The following TMEM135 variants were observed in gnomAD, a reference collection of about 807,000 sequenced individuals.
The protein encoded by TMEM135 is transmembrane protein 135, also known as peroxisomal membrane protein 52.
TMEM135 carries 30 observed loss-of-function variants against 60.3 expected under a neutral mutation model. The observed-to-expected ratio is 0.50, with a 90% confidence interval of 0.37 to 0.68. The LOEUF (loss-of-function observed/expected upper bound fraction) is 0.68, where lower values mean the gene tolerates loss of function less well. TMEM135 is among the 30% of genes least tolerant of loss of function. The pLI is 0.00. For synonymous variants in TMEM135, 190 were observed against 186.7 expected (o/e 1.02, Z -0.14); for missense variants, 468 against 548.8 (o/e 0.85, Z 1.47).
At chr11:87,175,428 A>G (rs1451116847) in intron 5 of TMEM135, among the ~76,000 whole-genome samples, 2 of 152,230 alleles carry the variant, frequency 1.3e-5, no homozygotes, top group South Asian at 2.1e-4. Flanking sequence ...GATTTTAAAA[A>G]TATCAGATCA....
Position 87,038,031 on chromosome 11 carries a change from G to C in TMEM135, c.-15G>C. 1 of 1,613,716 alleles carries C rather than the reference G, an allele frequency of 6.2e-7. No homozygotes were observed. Among genetic ancestry groups the C allele is most frequent in the Non-Finnish European group, 8.5e-7 (1 of 1,179,982 alleles). Reference sequence around the variant, plus strand: ...AGGCTCTCCCCCTCCTGTCTTCTCCGCGCTGTTCCTCGTCATGGCGGCCCT... The same window carrying C: ...AGGCTCTCCCCCTCCTGTCTTCTCCCCGCTGTTCCTCGTCATGGCGGCCCT... On this transcript the variant is annotated 5_prime_UTR_variant, in exon 1 of 15. Coordinates refer to ENST00000305494, the MANE Select transcript of TMEM135 (RefSeq NM_022918.4).
chr11:87,074,771 A>T (rs749717982), intron 3 of TMEM135, among the ~76,000 whole-genome samples: 17 of 152,128 alleles, frequency 1.1e-4, no homozygotes, highest in African/African-American at 1.4e-4. Flanking sequence ...AAAAATAAGG[A>T]TATTTTTCTA....
rs200157586 is a variant in TMEM135 at position 87,227,801 on chromosome 11, GT to G, written c.463-8833del. Reference sequence around the variant, plus strand: ...TCACAAAGAGACCATGCAATAGTCTGTTTTCAGAAAAGTTGAAGATGCTTAG... The same window carrying G: ...TCACAAAGAGACCATGCAATAGTCTGTTTCAGAAAAGTTGAAGATGCTTAG... On this transcript the variant is annotated intron_variant, in intron 5 of 14. Coordinates refer to ENST00000305494, the MANE Select transcript of TMEM135 (RefSeq NM_022918.4). Among the ~76,000 whole-genome samples, 300 of 152,232 alleles carry G rather than the reference GT, an allele frequency of 2.0e-3. 2 individuals carry two copies. Among genetic ancestry groups the G allele is most frequent in the Admixed American group, 5.4e-3 (82 of 15,292 alleles).
At chr11:87,217,858 T>C (rs960964216) in intron 5 of TMEM135, among the ~76,000 whole-genome samples, 1 of 151,954 alleles carries the variant, frequency 6.6e-6, no homozygotes, top group Non-Finnish European at 1.5e-5. Context: ...TTCTAGGAGA[T>C]GTTTAAACAA....
At chr11:87,074,880 T>C (rs1856839156) in intron 3 of TMEM135, among the ~76,000 whole-genome samples, 1 of 152,226 alleles carries the variant, frequency 6.6e-6, no homozygotes, top group Admixed American at 6.5e-5. Context: ...ATGCTATTTT[T>C]TTGAACCAGA....
chr11:87,257,428 G>A (rs1418574228), intron 6 of TMEM135, among the ~76,000 whole-genome samples: 2 of 149,852 alleles, frequency 1.3e-5, no homozygotes, highest in East Asian at 3.9e-4. Context: ...CTGGGGTTCA[G>A]CTGTGTTGGT....
chr11:87,112,942 A>G (rs924383056), intron 4 of TMEM135, among the ~76,000 whole-genome samples: 3 of 152,070 alleles, frequency 2.0e-5, no homozygotes, highest in Admixed American at 6.5e-5. Context: ...TTATGCCTAG[A>G]TGTATCCTAT....
At chr11:87,130,086 G>A (rs1444024870) in intron 4 of TMEM135, among the ~76,000 whole-genome samples, 1 of 150,948 alleles carries the variant, frequency 6.6e-6, no homozygotes, top group Non-Finnish European at 1.5e-5. Context: ...AGCAGGATAC[G>A]TAATTACAGG....
chr11:87,065,385 C>T (rs1856629422), intron 1 of TMEM135, among the ~76,000 whole-genome samples: 2 of 152,168 alleles, frequency 1.3e-5, no homozygotes, highest in African/African-American at 2.4e-5. Context: ...TTTAGCCATT[C>T]TGATAGTTGT....
chr11:87,150,430 C>G (rs1465116880), intron 4 of TMEM135, among the ~76,000 whole-genome samples: 2 of 152,128 alleles, frequency 1.3e-5, no homozygotes, highest in African/African-American at 4.8e-5. Context: ...TTACTGACTT[C>G]CTACTACAGA....
At chr11:87,310,926 T>C (rs1942629611) in intron 10 of TMEM135, among the ~76,000 whole-genome samples, 2 of 152,002 alleles carry the variant, frequency 1.3e-5, no homozygotes, top group South Asian at 4.1e-4. Flanking sequence ...GTCTGACTAA[T>C]GAATTAAGGA....
At chr11:87,151,993 G>A (rs1436808218) in intron 4 of TMEM135, among the ~76,000 whole-genome samples, 1 of 152,148 alleles carries the variant, frequency 6.6e-6, no homozygotes, top group African/African-American at 2.4e-5. Context: ...GGGTAGACAA[G>A]AAGAGAGGAG....
chr11:87,287,906 A>G (rs1942197382), intron 6 of TMEM135, among the ~76,000 whole-genome samples: 1 of 152,186 alleles, frequency 6.6e-6, no homozygotes, highest in African/African-American at 2.4e-5. Context: ...TTGGTGGAAT[A>G]AAGATGAATA....
At chr11:87,263,175 GT>G (rs1941686954) in intron 6 of TMEM135, among the ~76,000 whole-genome samples, 1 of 152,108 alleles carries the variant, frequency 6.6e-6, no homozygotes, top group African/African-American at 2.4e-5. Context: ...TTGGAGTAGT[GT>G]TTTATTTTTG....
At position 87,274,013 on chromosome 11, in the gene TMEM135, C is replaced by A. The variant is rs571737689; in HGVS notation, c.510-21769C>A. 3.6e-3 allele frequency among the ~76,000 whole-genome samples: 544 copies of A among 152,034 alleles called. 3 individuals are homozygous for A. Among genetic ancestry groups the A allele is most frequent in the African/African-American group, 0.012 (484 of 41,486 alleles). Reference sequence around the variant, plus strand: ...TAAATGAAACTTGAGTGTTTTTAAACAAGGATACCAGATATGAGATTTATG... The same window carrying A: ...TAAATGAAACTTGAGTGTTTTTAAAAAAGGATACCAGATATGAGATTTATG... On this transcript the variant is annotated intron_variant, in intron 6 of 14. Coordinates refer to ENST00000305494, the MANE Select transcript of TMEM135 (RefSeq NM_022918.4).
chr11:87,227,966 A>G (rs1486072420), intron 5 of TMEM135, among the ~76,000 whole-genome samples: 1 of 152,214 alleles, frequency 6.6e-6, no homozygotes, highest in Non-Finnish European at 1.5e-5. Flanking sequence ...ATGTGGTTCT[A>G]AAAGACTCTG....
chr11:87,315,957 G>T (rs1942721293), intron 12 of TMEM135, among the ~76,000 whole-genome samples: 1 of 151,892 alleles, frequency 6.6e-6, no homozygotes, highest in Non-Finnish European at 1.5e-5. Flanking sequence ...TAGCTTTCTT[G>T]CTGTAAGACA....
At chr11:87,050,958 T>C (rs1240007617) in intron 1 of TMEM135, among the ~76,000 whole-genome samples, 1 of 60,476 alleles carries the variant, frequency 1.7e-5, no homozygotes, top group African/African-American at 9.7e-5. Flanking sequence ...ATCAAAAAGC[T>C]TATCCACCAT....
rs534649964 is a variant in TMEM135 at position 87,254,299 on chromosome 11, G to T, written c.509+17615G>T. 2.5e-3 allele frequency among the ~76,000 whole-genome samples: 377 copies of T among 152,218 alleles called. 1 individual carries two copies. The highest frequency in any genetic ancestry group is 3.9e-3 in the South Asian group (19 of 4,820). On this transcript the variant is annotated intron_variant, in intron 6 of 14. Transcript: ENST00000305494. ...TAGAAGTAAAATTTTTAGCCTTTCA[G>T]AGTTTTCATTGACTTAATTAAAAAA...
Sources: allele counts gnomAD v4.1 joint callset (sites outside exome capture counted in the v4.1 genomes callset), GRCh38; gene constraint gnomAD v4.1.1; transcripts MANE v1.5; gene names NCBI Gene and HGNC (gene_info 2026-07-23, HGNC 2026-07-21).